The following FNDC3B variants were observed in gnomAD, a reference collection of about 807,000 sequenced individuals.
The protein encoded by FNDC3B is fibronectin type III domain containing 3B, also known as fibronectin type III domain-containing protein 3B.
In FNDC3B, 12 loss-of-function variants were observed where a neutral mutation model predicts 151.5. The ratio of observed to expected loss-of-function variants is 0.08; its 90% CI spans 0.05 to 0.13. The LOEUF is 0.13. FNDC3B is among the 10% of genes least tolerant of loss of function. FNDC3B has a pLI of 1.00. For missense variants in FNDC3B, 1,214 were observed against 1,505.3 expected (o/e 0.81, Z 3.20); for synonymous variants, 528 against 549.0 (o/e 0.96, Z 0.54).
At chr3:172,067,310 T>C (rs748792758) in intron 1 of FNDC3B, among the ~76,000 whole-genome samples, 1 of 152,190 alleles carries the variant, frequency 6.6e-6, no homozygotes, top group African/African-American at 2.4e-5. Flanking sequence ...AATGGCCTGA[T>C]TGATGTGCTT....
chr3:172,313,351 G>A (rs1731616603), intron 11 of FNDC3B, among the ~76,000 whole-genome samples: 1 of 152,168 alleles, frequency 6.6e-6, no homozygotes, highest in Non-Finnish European at 1.5e-5. Flanking sequence ...TTTTATGCTG[G>A]GCAGCTTGAC....
rs1201576151 is a variant in FNDC3B at position 172,399,772 on chromosome 3, G to A, written c.*2297G>A. 2 of 152,568 alleles carry A rather than the reference G, an allele frequency of 1.3e-5. No individual in the cohort carries two copies. 9.5% of individuals were successfully genotyped at this position (152,568 alleles called of 1,614,324 possible). On this transcript the variant is annotated 3_prime_UTR_variant, in exon 26 of 26. Transcript: ENST00000415807. ...GTACAAAGCCCCCTCTTGGGGGGTT[G>A]GGGAAGTCTCTTTTTTGAAACACTT...
intron 3 of FNDC3B, among the ~76,000 whole-genome samples, chr3:172,188,069 C>T (rs1331920959): frequency 1.3e-5 from 2 of 148,294 alleles, no homozygotes; most frequent in Non-Finnish European, 3.0e-5. Flanking sequence ...GATCTCGGCT[C>T]ACTGCAACCT....
intron 1 of FNDC3B, among the ~76,000 whole-genome samples, chr3:172,075,231 A>G (rs982817790): frequency 2.0e-5 from 3 of 152,158 alleles, no homozygotes; most frequent in African/African-American, 7.2e-5. Context: ...TTTAAATGCC[A>G]AGAACCAGGG....
At chr3:172,186,833 G>A (rs1457950332) in intron 3 of FNDC3B, 11 of 667,444 alleles carry the variant, frequency 1.6e-5, no homozygotes, top group East Asian at 8.3e-5. Flanking sequence ...CGAGCACTTC[G>A]CGGTGTGGCT....
At chr3:172,384,861 A>G (rs929317600) in intron 25 of FNDC3B, among the ~76,000 whole-genome samples, 2 of 152,242 alleles carry the variant, frequency 1.3e-5, no homozygotes, top group Admixed American at 6.5e-5. Context: ...TATGTATGCC[A>G]CAGACTATTT....
chr3:172,213,641 A>G (rs1260819930), intron 3 of FNDC3B, among the ~76,000 whole-genome samples: 1 of 152,134 alleles, frequency 6.6e-6, no homozygotes, highest in Non-Finnish European at 1.5e-5. Flanking sequence ...ATTTTGATGT[A>G]GTCTTGTTTT....
chr3:172,302,928 GAGAGAC>G (rs1330025917), intron 9 of FNDC3B: 4 of 151,502 alleles, frequency 2.6e-5, no homozygotes, highest in African/African-American at 7.3e-5. Context: ...GCCTGAGAGA[GAGAGAC>G]AGAGACAGAG....
chr3:172,289,404 C>T (rs892224918), intron 7 of FNDC3B, among the ~76,000 whole-genome samples: 2 of 119,976 alleles, frequency 1.7e-5, no homozygotes, highest in African/African-American at 9.1e-5. Context: ...CCTTCAAAGT[C>T]CCTTTTGCCA....
intron 11 of FNDC3B, among the ~76,000 whole-genome samples, chr3:172,326,619 T>G (rs1732357450): frequency 6.6e-6 from 1 of 152,204 alleles, no homozygotes; most frequent in Non-Finnish European, 1.5e-5. Flanking sequence ...TTTTAAATGT[T>G]AGCAATATAG....
At chr3:172,164,491 A>AT (rs971549303) in intron 3 of FNDC3B, among the ~76,000 whole-genome samples, 2 of 152,188 alleles carry the variant, frequency 1.3e-5, no homozygotes, top group African/African-American at 4.8e-5. Context: ...AAGATGTGGC[A>AT]TTTTTTGCCA....
At chr3:172,343,190 A>T (rs1325849971) in intron 18 of FNDC3B, 74 bp downstream of exon 18, 1 of 828,762 alleles carries the variant, frequency 1.2e-6, no homozygotes, top group Non-Finnish European at 2.1e-6. Flanking sequence ...TTTGTAGTTA[A>T]GTTTCAAAGC....
chr3:172,301,633 A>G (rs1253846598), intron 9 of FNDC3B: 1 of 152,230 alleles, frequency 6.6e-6, no homozygotes, highest in Admixed American at 6.5e-5. Flanking sequence ...AGAGGTCGAG[A>G]GAATGACTTG....
Position 172,329,162 on chromosome 3 carries a change from G to A in FNDC3B, c.1379+86G>A, listed in dbSNP as rs369545493. ...TTACATAGCTGGAAGGCATGAGGAA[G>A]CCTGCTGCCTCCACACTAAATCAAC... On this transcript the variant is annotated intron_variant, in intron 12 of 25. Transcript: ENST00000415807. 2.9e-4 allele frequency: 415 copies of A among 1,440,850 alleles called. 2 individuals are homozygous for A. The African/African-American group carries it at 5.0e-3, about 18-fold the overall frequency. The allele number at this position is 1,440,850 out of a possible 1,614,324, so 89.3% of individuals were successfully genotyped here.
intron 3 of FNDC3B, among the ~76,000 whole-genome samples, chr3:172,160,824 C>A (rs1166169271): frequency 6.6e-6 from 1 of 152,092 alleles, no homozygotes; most frequent in Non-Finnish European, 1.5e-5. Context: ...TGTCATAAAT[C>A]CAGAGTAATG....
At chr3:172,225,172 G>GTT (rs1393548043) in intron 3 of FNDC3B, among the ~76,000 whole-genome samples, 2 of 152,082 alleles carry the variant, frequency 1.3e-5, no homozygotes, top group Non-Finnish European at 2.9e-5. Context: ...CTTGTCTTCT[G>GTT]TTTTTAAAAA....
chr3:172,113,130 T>G (rs991350556), intron 2 of FNDC3B, among the ~76,000 whole-genome samples: 1 of 152,200 alleles, frequency 6.6e-6, no homozygotes, highest in Non-Finnish European at 1.5e-5. Context: ...AAGTAGCACT[T>G]GGGGGAAACA....
At chr3:172,260,702 G>C (rs1728601823) in intron 6 of FNDC3B, among the ~76,000 whole-genome samples, 1 of 152,134 alleles carries the variant, frequency 6.6e-6, no homozygotes, top group African/African-American at 2.4e-5. Context: ...AGATAGGGGA[G>C]AGTTCAGAGG....
At chr3:172,134,442 A>C in intron 3 of FNDC3B, 1 of 512,582 alleles carries the variant, frequency 2.0e-6, no homozygotes, top group African/African-American at 1.9e-5. Context: ...TGCAATTGAG[A>C]TCAGTATTAG....
Sources: gnomAD v4.1 joint callset for allele counts (sites outside exome capture counted in the v4.1 genomes callset) on GRCh38, gnomAD v4.1.1 for gene constraint, MANE v1.5 for transcripts, NCBI Gene and HGNC (gene_info 2026-07-23, HGNC 2026-07-21) for gene names.